The following COL22A1 variants were observed in gnomAD, a reference collection of about 807,000 sequenced individuals.
The protein encoded by COL22A1 is collagen alpha-1(XXII) chain.
A neutral mutation model predicts 248.9 loss-of-function variants in COL22A1; 221 were observed. That is an observed-to-expected ratio of 0.89 (90% confidence interval 0.80 to 0.99). The LOEUF is 0.99. Ranked by LOEUF, COL22A1 falls within the 50% of genes least tolerant of loss-of-function variation. The pLI is 0.00. For synonymous variants in COL22A1, 891 were observed against 793.4 expected, an observed-to-expected ratio of 1.12 and a Z score of -2.07; for missense variants, 2,240 against 2,179.0, an observed-to-expected ratio of 1.03 and a Z score of -0.56.
At chr8:138,607,084 G>A (rs35563341) in intron 57 of COL22A1, among the ~76,000 whole-genome samples, 9,960 of 152,202 alleles carry the variant, frequency 0.065, 454 homozygotes, top group Non-Finnish European at 0.1. Context: ...GAGGGTCTCC[G>A]CTAGGGTGAT....
At chr8:138,908,520 G>A (rs1357590046) in intron 1 of COL22A1, among the ~76,000 whole-genome samples, 2 of 152,214 alleles carry the variant, frequency 1.3e-5, no homozygotes, top group African/African-American at 4.8e-5. Context: ...ATGGCAGTCT[G>A]TAATTTTTGT....
chr8:138,664,184 C>T (rs1353105075), intron 41 of COL22A1, among the ~76,000 whole-genome samples: 6 of 142,462 alleles, frequency 4.2e-5, no homozygotes, highest in Middle Eastern at 4.0e-3. Flanking sequence ...CTCCCTTCTC[C>T]AACAAGGGGT....
intron 1 of COL22A1, among the ~76,000 whole-genome samples, chr8:138,909,979 A>G (rs1264744964): frequency 6.6e-6 from 1 of 152,228 alleles, no homozygotes; most frequent in Non-Finnish European, 1.5e-5. Context: ...TCTTGTCACA[A>G]ACAAAAATGC....
intron 27 of COL22A1, 93 bp downstream of exon 27, chr8:138,720,646 C>A: frequency 9.6e-7 from 1 of 1,041,120 alleles, no homozygotes; most frequent in Non-Finnish European, 1.5e-6. Flanking sequence ...CTGATATAGA[C>A]GCTATGCTTA....
chr8:138,762,551 G>T, intron 16 of COL22A1, 85 bp from the exon 17 acceptor site: 1 of 1,280,018 alleles, frequency 7.8e-7, no homozygotes, highest in Non-Finnish European at 1.1e-6. Flanking sequence ...TGACCGTCAT[G>T]GACAAGGAGG....
At chr8:138,868,363 G>A (rs1823059931) in intron 3 of COL22A1, among the ~76,000 whole-genome samples, 1 of 152,078 alleles carries the variant, frequency 6.6e-6, no homozygotes, top group Admixed American at 6.6e-5. Flanking sequence ...TACTATAATA[G>A]CCTTAGGCCC....
intron 35 of COL22A1, among the ~76,000 whole-genome samples, chr8:138,692,446 G>GGT (rs1214558724): frequency 1.4e-5 from 2 of 145,564 alleles, no homozygotes; most frequent in African/African-American, 5.1e-5. Flanking sequence ...TGTGTGTGGA[G>GGT]GTGTGTGTGT....
intron 17 of COL22A1, among the ~76,000 whole-genome samples, chr8:138,761,241 C>T (rs993948708): frequency 6.6e-5 from 10 of 152,160 alleles, no homozygotes; most frequent in Admixed American, 3.3e-4. Context: ...TTGCCATCAC[C>T]AAGCGGGTAT....
chr8:138,702,282 G>A lies in COL22A1; in HGVS notation c.2559+1024C>T, dbSNP rs550789492. Among the ~76,000 whole-genome samples the A allele has an allele frequency of 7.7e-4, 118 of 152,274 alleles. 1 individual carries two copies. The highest frequency in any genetic ancestry group is 2.5e-3 in the African/African-American group (102 of 41,556). On this transcript the variant is annotated intron_variant, in intron 31 of 64. Coordinates refer to ENST00000303045, the MANE Select transcript of COL22A1 (RefSeq NM_152888.3). The stretch of plus-strand genomic sequence containing the variant: ...ACAAAAATTTGATATGACTAATTCC[G>A]ACTCTAAAGTTGTGATCCCAATTTC...
chr8:138,815,292 T>C (rs1450592835), intron 7 of COL22A1, among the ~76,000 whole-genome samples: 1 of 152,222 alleles, frequency 6.6e-6, no homozygotes, highest in Non-Finnish European at 1.5e-5. Flanking sequence ...ATTAGACGTC[T>C]GTATGTCCAT....
chr8:138,803,033 G>A, intron 10 of COL22A1, 99 bp from the exon 11 acceptor site: 1 of 908,184 alleles, frequency 1.1e-6, no homozygotes, highest in Non-Finnish European at 1.9e-6. Flanking sequence ...CAATTCCCTA[G>A]AAGCAGCTGA....
At chr8:138,811,240 A>AACACATAG (rs1818186957) in intron 9 of COL22A1, among the ~76,000 whole-genome samples, 1 of 150,908 alleles carries the variant, frequency 6.6e-6, no homozygotes, top group Admixed American at 6.6e-5. Context: ...TAAAAATAGA[A>AACACATAG]ACACATAGAC....
intron 25 of COL22A1, among the ~76,000 whole-genome samples, chr8:138,722,841 A>G (rs1025356707): frequency 1.9e-4 from 1 of 5,188 alleles, no homozygotes; most frequent in African/African-American, 5.1e-4. Flanking sequence ...ATATCGGGTC[A>G]CATGGGGGCG....
intron 49 of COL22A1, among the ~76,000 whole-genome samples, chr8:138,631,598 C>T (rs910405128): frequency 5.9e-5 from 9 of 152,150 alleles, no homozygotes; most frequent in African/African-American, 1.7e-4. Flanking sequence ...TCTATGCAGC[C>T]GAGCAAGCAG....
intron 59 of COL22A1, among the ~76,000 whole-genome samples, chr8:138,603,557 G>A (rs1355497272): frequency 1.3e-5 from 2 of 152,126 alleles, no homozygotes; most frequent in Middle Eastern, 3.2e-3. Context: ...GAATTTATTC[G>A]AGAAGTCCAA....
intron 46 of COL22A1, among the ~76,000 whole-genome samples, chr8:138,648,736 A>C (rs1475562913): frequency 2.0e-5 from 3 of 152,160 alleles, no homozygotes; most frequent in Admixed American, 1.3e-4. Context: ...CTTCTTACAT[A>C]AAGATGCAAG....
chr8:138,691,966 ATG>A (rs1564200696), intron 35 of COL22A1, among the ~76,000 whole-genome samples: 1 of 75,954 alleles, frequency 1.3e-5, no homozygotes, highest in Non-Finnish European at 2.7e-5. Context: ...GTGGAGGTGC[ATG>A]TGTGGAGGTG....
chr8:138,804,017 G>A (rs56253948), intron 10 of COL22A1, among the ~76,000 whole-genome samples: 1 of 152,204 alleles, frequency 6.6e-6, no homozygotes, highest in African/African-American at 2.4e-5. Flanking sequence ...TAGCAATGGG[G>A]CCTCCCCTCT....
chr8:138,726,838 T>A lies in COL22A1; in HGVS notation c.2140-1398A>T, dbSNP rs142756100. Among the ~76,000 whole-genome samples the A allele has an allele frequency of 2.8e-4, 42 of 152,104 alleles. No homozygotes were observed. The East Asian group carries it at 7.5e-3, about 27-fold the overall frequency. ...CCTCAGAGGCCACGGGCTGTCATAG[T>A]GAGGAGGAGCGACTTTGCCGTGAAG... is the stretch of plus-strand genomic sequence containing the variant. On this transcript the variant is annotated intron_variant, in intron 23 of 64. Coordinates refer to ENST00000303045, the MANE Select transcript of COL22A1 (RefSeq NM_152888.3).
Sources: allele counts gnomAD v4.1 joint callset (sites outside exome capture counted in the v4.1 genomes callset), GRCh38; gene constraint gnomAD v4.1.1; transcripts MANE v1.5; gene names NCBI Gene and HGNC (gene_info 2026-07-23, HGNC 2026-07-21).